The following PRMT8 variants were observed in gnomAD, a reference collection of about 807,000 sequenced individuals.
The protein encoded by PRMT8 is protein arginine methyltransferase 8.
Under a neutral mutation model 47.1 loss-of-function variants are expected in PRMT8, and 7 were observed. The observed-to-expected ratio is 0.15, with a 90% CI of 0.08 to 0.28. The LOEUF (loss-of-function observed/expected upper bound fraction) is 0.28. Among genes scored for constraint, PRMT8 ranks in the 10% least tolerant of loss-of-function variants. The pLI, the probability that PRMT8 is intolerant of heterozygous loss-of-function variation, is 1.00. For missense variants in PRMT8, 237 were observed against 505.4 expected, an observed-to-expected ratio of 0.47 and a Z score of 5.09; for synonymous variants, 188 against 186.5, an observed-to-expected ratio of 1.01 and a Z score of -0.07.
chr12:3,437,557 T>G (rs1435490269), intron 1 of PRMT8, among the ~76,000 whole-genome samples: 1 of 151,520 alleles, frequency 6.6e-6, no homozygotes, highest in Admixed American at 6.6e-5. Context: ...GTCTGTTCCC[T>G]TCTTTGTGTC....
At chr12:3,522,956 A>G (rs1343031693) in intron 1 of PRMT8, among the ~76,000 whole-genome samples, 3 of 152,176 alleles carry the variant, frequency 2.0e-5, no homozygotes, top group Non-Finnish European at 4.4e-5. Context: ...GTTAGAATTA[A>G]TTCTACTACC....
Position 3,582,112 on chromosome 12 carries a change from G to A in PRMT8, c.829-946G>A, listed in dbSNP as rs142010523. Among the ~76,000 whole-genome samples, 318 of 152,272 alleles carry A rather than the reference G, an allele frequency of 2.1e-3. 1 individual carries two copies. Among genetic ancestry groups the A allele is most frequent in the African/African-American group, 7.5e-3 (310 of 41,552 alleles). ...TCCTTGCTGCGCAACCTTGACTAAT[G>A]GGAAGTTCTTCCTTGGGCCTCACTA... On this transcript the variant is annotated intron_variant, in intron 7 of 9. Transcript: ENST00000382622.
intron 1 of PRMT8, among the ~76,000 whole-genome samples, chr12:3,510,769 A>T (rs542434643): frequency 1.3e-5 from 2 of 152,268 alleles, no homozygotes; most frequent in African/African-American, 4.8e-5. Context: ...AGCGGCAGAA[A>T]TCAGAGTTTT....
At chr12:3,447,485 C>T (rs536659128) in intron 1 of PRMT8, among the ~76,000 whole-genome samples, 1 of 152,148 alleles carries the variant, frequency 6.6e-6, no homozygotes, top group African/African-American at 2.4e-5. Context: ...AGGCGCCCCC[C>T]TCTCCCGCAG....
In PRMT8 at chr12:3,473,640, G is replaced by A. The variant is rs144053695; in HGVS notation, c.49-66966G>A. Among the ~76,000 whole-genome samples, 766 of 152,166 alleles carry A rather than the reference G, an allele frequency of 5.0e-3. 1 individual carries two copies. Among genetic ancestry groups the A allele is most frequent in the Non-Finnish European group, 8.5e-3 (575 of 67,994 alleles). On this transcript the variant is annotated intron_variant, in intron 1 of 9. Transcript: ENST00000452611. Reference sequence around the variant, plus strand: ...TGTTTCCTAAGGACCAGGTCTGCACGGCCACCTGTCACCTGGGCATCTCCT... The same window carrying A: ...TGTTTCCTAAGGACCAGGTCTGCACAGCCACCTGTCACCTGGGCATCTCCT...
rs1306844520 is a variant in PRMT8, at chr12:3,535,087, A to G, written c.76-5519A>G. Among the ~76,000 whole-genome samples, 1 of 152,118 alleles carries G rather than the reference A, an allele frequency of 6.6e-6. No individual in the cohort carries two copies. Among genetic ancestry groups the G allele is most frequent in the Admixed American group, 6.5e-5 (1 of 15,282 alleles). On this transcript the variant is annotated intron_variant, in intron 1 of 9. Transcript: ENST00000382622. The surrounding 1 kb of genome is among the most constrained non-coding windows in gnomAD (Gnocchi z 4.7). ...TGCCATCTACCTGCATTTTCAAGGG[A>G]TGTGGGTTAGGTCAAACATGCTCCC...
At chr12:3,479,881 T>G (rs1865257037) in intron 1 of PRMT8, among the ~76,000 whole-genome samples, 1 of 152,044 alleles carries the variant, frequency 6.6e-6, no homozygotes. Context: ...TCAGGCACTA[T>G]ATACCCACTT....
chr12:3,437,200 A>AAT (rs1864752979), intron 1 of PRMT8, among the ~76,000 whole-genome samples: 1 of 151,986 alleles, frequency 6.6e-6, no homozygotes, highest in Admixed American at 6.6e-5. Context: ...ATAAAAGAAA[A>AAT]ATATATATTT....
At chr12:3,541,900 C>G (rs1342670501) in intron 2 of PRMT8, among the ~76,000 whole-genome samples, 1 of 152,182 alleles carries the variant, frequency 6.6e-6, no homozygotes. Context: ...CCTTAAGAAT[C>G]AAATCAACCC....
intron 1 of PRMT8, among the ~76,000 whole-genome samples, chr12:3,420,774 G>T (rs1864532311): frequency 6.6e-6 from 1 of 152,182 alleles, no homozygotes; most frequent in African/African-American, 2.4e-5. Context: ...TTCCATCTGT[G>T]CTCTTTAGCT....
upstream of PRMT8, among the ~76,000 whole-genome samples, chr12:3,486,928 T>G (rs546013747): frequency 6.6e-6 from 1 of 152,360 alleles, no homozygotes; most frequent in African/African-American, 2.4e-5. Context: ...CTCATATTGC[T>G]TTGCAGGTAT....
chr12:3,466,577 A>G (rs902943461), intron 1 of PRMT8, among the ~76,000 whole-genome samples: 1 of 152,214 alleles, frequency 6.6e-6, no homozygotes, highest in Non-Finnish European at 1.5e-5. Context: ...TCCAATAAGT[A>G]TGACATTATC....
intron 1 of PRMT8, among the ~76,000 whole-genome samples, chr12:3,397,899 G>A (rs1256621491): frequency 6.6e-6 from 1 of 152,228 alleles, no homozygotes; most frequent in Admixed American, 6.5e-5. Flanking sequence ...CCAGGTGTGG[G>A]ATGTAATCTC....
intron 1 of PRMT8, among the ~76,000 whole-genome samples, chr12:3,406,149 C>A (rs993601706): frequency 1.3e-5 from 2 of 152,256 alleles, no homozygotes; most frequent in Non-Finnish European, 2.9e-5. Flanking sequence ...GGGACTTGCA[C>A]CTTTTGAAGC....
Position 3,464,302 on chromosome 12 carries a change from A to G in PRMT8, c.49-76304A>G, listed in dbSNP as rs141317810. ...AAAAAACAAACTGCACACAAACCAC[A>G]AAGACAGTCAGGACCTTCACCTCAA... is the stretch of plus-strand genomic sequence containing the variant. On this transcript the variant is annotated intron_variant, in intron 1 of 9. Coordinates refer to the PRMT8 transcript ENST00000452611. Among the ~76,000 whole-genome samples the G allele has an allele frequency of 4.3e-3, 653 of 152,098 alleles. 5 individuals carry two copies. Among genetic ancestry groups the G allele is most frequent in the African/African-American group, 0.015 (616 of 41,524 alleles).
intron 1 of PRMT8, among the ~76,000 whole-genome samples, chr12:3,386,332 T>A (rs956748735): frequency 6.6e-6 from 1 of 152,230 alleles, no homozygotes; most frequent in Non-Finnish European, 1.5e-5. Flanking sequence ...AACATTGTAT[T>A]CCTGTGATTT....
chr12:3,460,956 A>G (rs1865034466), intron 1 of PRMT8, among the ~76,000 whole-genome samples: 1 of 152,216 alleles, frequency 6.6e-6, no homozygotes, highest in African/African-American at 2.4e-5. Flanking sequence ...GTTGCTCCGG[A>G]CTTACCTCAA....
At chr12:3,394,694 C>T (rs1181650617) in intron 1 of PRMT8, among the ~76,000 whole-genome samples, 6 of 151,734 alleles carry the variant, frequency 4.0e-5, no homozygotes, top group East Asian at 1.9e-4. Context: ...TGTCTCTGCC[C>T]GGCTTTGGTA....
intron 1 of PRMT8, among the ~76,000 whole-genome samples, chr12:3,465,095 C>T (rs1160753511): frequency 7.0e-6 from 1 of 143,574 alleles, no homozygotes; most frequent in Non-Finnish European, 1.5e-5. Context: ...GCACTCCAGC[C>T]TGGGCAACGA....
Sources: allele counts gnomAD v4.1 joint callset (sites outside exome capture counted in the v4.1 genomes callset), GRCh38; gene constraint gnomAD v4.1.1; non-coding constraint Gnocchi (gnomAD v3.1); transcripts MANE v1.5; gene names NCBI Gene and HGNC (gene_info 2026-07-23, HGNC 2026-07-21).